The following FGF12 variants were observed in gnomAD, a reference collection of about 807,000 sequenced individuals.
FGF12 encodes fibroblast growth factor 12.
A neutral mutation model predicts 23.6 loss-of-function variants in FGF12; 14 were observed. The ratio of observed to expected loss-of-function variants is 0.59; its 90% CI spans 0.39 to 0.93. The LOEUF is 0.93. Ranked by LOEUF, FGF12 falls within the 40% of genes least tolerant of loss-of-function variation. FGF12 has a pLI of 0.00. For missense variants in FGF12, 175 were observed against 217.8 expected, an observed-to-expected ratio of 0.80 and a Z score of 1.24; for synonymous variants, 62 against 77.3, an observed-to-expected ratio of 0.80 and a Z score of 1.04.
At chr3:192,190,406 C>A (rs1458314267) in intron 4 of FGF12, among the ~76,000 whole-genome samples, 1 of 145,994 alleles carries the variant, frequency 6.8e-6, no homozygotes, top group East Asian at 2.1e-4. Flanking sequence ...CTACAATATT[C>A]TTTTTATATA....
chr3:192,375,243 G>C (rs1049166277), intron 2 of FGF12, among the ~76,000 whole-genome samples: 4 of 151,938 alleles, frequency 2.6e-5, no homozygotes, highest in Non-Finnish European at 5.9e-5. Flanking sequence ...TTCTGATTTA[G>C]CTGTTTTTAT....
chr3:192,701,243 C>T (rs777838972), intron 2 of FGF12, among the ~76,000 whole-genome samples: 5 of 152,128 alleles, frequency 3.3e-5, no homozygotes, highest in Admixed American at 6.5e-5. Context: ...ACCTGGGAGC[C>T]CTGCCCCTTT....
chr3:192,583,261 G>A (rs1484441606), intron 2 of FGF12, among the ~76,000 whole-genome samples: 1 of 152,226 alleles, frequency 6.6e-6, no homozygotes, highest in Non-Finnish European at 1.5e-5. Context: ...GGGGCCTAGT[G>A]TAGGGTGGAA....
intron 2 of FGF12, among the ~76,000 whole-genome samples, chr3:192,475,582 T>G (rs1048949240): frequency 5.3e-5 from 8 of 152,180 alleles, no homozygotes; most frequent in African/African-American, 1.9e-4. Context: ...TACCCACTGA[T>G]GGGAAAGTTG....
At chr3:192,407,591 G>GT (rs1471823752) in intron 2 of FGF12, among the ~76,000 whole-genome samples, 8 of 152,122 alleles carry the variant, frequency 5.3e-5, no homozygotes. Flanking sequence ...GGGAAGGGCT[G>GT]TATTAATCTT....
At chr3:192,609,003 G>A (rs1295604485) in intron 2 of FGF12, among the ~76,000 whole-genome samples, 1 of 152,090 alleles carries the variant, frequency 6.6e-6, no homozygotes, top group Non-Finnish European at 1.5e-5. Context: ...TCCAGCTTAA[G>A]GGACAGAATC....
chr3:192,216,790 T>C (rs1298342105), intron 4 of FGF12, among the ~76,000 whole-genome samples: 1 of 152,132 alleles, frequency 6.6e-6, no homozygotes, highest in Non-Finnish European at 1.5e-5. Flanking sequence ...CCCAGAGAAA[T>C]GCAATATCTG....
intron 2 of FGF12, among the ~76,000 whole-genome samples, chr3:192,683,020 CTA>C (rs374853325): frequency 2.0e-5 from 3 of 152,328 alleles, no homozygotes; most frequent in African/African-American, 7.2e-5. Flanking sequence ...AAACCTCACT[CTA>C]TGTGTCTCTT....
intron 2 of FGF12, among the ~76,000 whole-genome samples, chr3:192,552,903 A>T (rs1430049800): frequency 1.3e-5 from 2 of 152,128 alleles, no homozygotes; most frequent in Non-Finnish European, 2.9e-5. Flanking sequence ...AAACAAAAAC[A>T]AAACAAAACA....
chr3:192,679,068 CT>C (rs1434425577), intron 2 of FGF12, among the ~76,000 whole-genome samples: 1 of 152,094 alleles, frequency 6.6e-6, no homozygotes, highest in African/African-American at 2.4e-5. Context: ...TGGATCCCAG[CT>C]TTGGAGAATA....
At chr3:192,299,620 G>T (rs941025153) in intron 4 of FGF12, among the ~76,000 whole-genome samples, 4 of 152,098 alleles carry the variant, frequency 2.6e-5, no homozygotes, top group African/African-American at 9.7e-5. Flanking sequence ...TTTGTTCTAG[G>T]CATTATGGAG....
At chr3:192,599,112 G>A (rs1238439953) in intron 2 of FGF12, among the ~76,000 whole-genome samples, 1 of 152,008 alleles carries the variant, frequency 6.6e-6, no homozygotes, top group Non-Finnish European at 1.5e-5. Context: ...AGCCTGTAGG[G>A]GGTGGGGGAC....
intron 2 of FGF12, among the ~76,000 whole-genome samples, chr3:192,511,723 G>GA (rs1257120496): frequency 2.0e-5 from 3 of 151,640 alleles, no homozygotes; most frequent in East Asian, 3.9e-4. Flanking sequence ...TTGAGAAATG[G>GA]AAAAAAAAGA....
intron 4 of FGF12, among the ~76,000 whole-genome samples, chr3:192,263,748 T>A (rs1425960683): frequency 1.3e-5 from 2 of 152,012 alleles, no homozygotes; most frequent in African/African-American, 4.8e-5. Flanking sequence ...AGTTTTGAAA[T>A]TAAATCAGAG....
rs146399369 is a variant in FGF12, at chr3:192,503,910, C to T, written c.14-143372G>A. Among the ~76,000 whole-genome samples, 502 of 152,146 alleles carry T rather than the reference C, an allele frequency of 3.3e-3. 1 individual carries two copies. The highest frequency in any genetic ancestry group is 0.012 in the African/African-American group (478 of 41,510). ...TGCATGTATATGTTCATTGCAGCAC[C>T]GTTCACTTTGCAAAGACATGGAATC... is the stretch of plus-strand genomic sequence containing the variant. On this transcript the variant is annotated intron_variant, in intron 2 of 5. Coordinates refer to ENST00000445105, the MANE Select transcript of FGF12 (RefSeq NM_004113.6).
At chr3:192,226,428 G>A (rs1013683662) in intron 4 of FGF12, among the ~76,000 whole-genome samples, 5 of 152,050 alleles carry the variant, frequency 3.3e-5, no homozygotes, top group Non-Finnish European at 7.4e-5. Flanking sequence ...TAAGAATAAG[G>A]CAGAATTGTG....
chr3:192,481,053 C>A (rs978116923), intron 2 of FGF12, among the ~76,000 whole-genome samples: 13 of 152,222 alleles, frequency 8.5e-5, no homozygotes, highest in Admixed American at 6.5e-5. Flanking sequence ...TCTAAAAAAA[C>A]ATGCTGAATT....
At chr3:192,668,119 G>T (rs1366940659) in intron 2 of FGF12, among the ~76,000 whole-genome samples, 1 of 151,862 alleles carries the variant, frequency 6.6e-6, no homozygotes, top group Non-Finnish European at 1.5e-5. Flanking sequence ...TGGATAAATG[G>T]GTAGAAATGG....
intron 4 of FGF12, among the ~76,000 whole-genome samples, chr3:192,332,130 C>T (rs939689070): frequency 6.6e-6 from 1 of 152,030 alleles, no homozygotes; most frequent in African/African-American, 2.4e-5. Flanking sequence ...ACTAATTGTG[C>T]ATATGATTTT....
Sources: allele counts gnomAD v4.1 joint callset (sites outside exome capture counted in the v4.1 genomes callset), GRCh38; gene constraint gnomAD v4.1.1; transcripts MANE v1.5; gene names NCBI Gene and HGNC (gene_info 2026-07-23, HGNC 2026-07-21).